Variants in NOL4L observed in about 807,000 individuals in gnomAD.
NOL4L encodes the protein nucleolar protein 4-like.
A neutral mutation model predicts 64.5 loss-of-function variants in NOL4L; 7 were observed. That is an observed-to-expected ratio of 0.11 (90% CI 0.06 to 0.20). NOL4L has a LOEUF of 0.20. NOL4L is among the 10% of genes least tolerant of loss of function. NOL4L has a pLI of 1.00. For synonymous variants in NOL4L, 413 were observed against 401.0 expected (o/e 1.03, Z -0.36); for missense variants, 680 against 967.1 (o/e 0.70, Z 3.94).
chr20:32,511,244 CGT>C (rs1168860515), intron 4 of NOL4L, 101 bp downstream of exon 4: 2 of 703,514 alleles, frequency 2.8e-6, no homozygotes, highest in African/African-American at 1.8e-5. Flanking sequence ...TTTGATTTCC[CGT>C]GTGTTTACAC....
chr20:32,527,724 G>A (rs1203863216), intron 2 of NOL4L, 34 bp downstream of exon 2: 2 of 1,528,318 alleles, frequency 1.3e-6, no homozygotes, highest in South Asian at 2.5e-5. Context: ...AAGGCCTGGG[G>A]CTGCCAGTGG....
chr20:32,584,611 T>G lies in NOL4L; in HGVS notation c.280A>C (p.Lys94Gln). ...GFRLGSGREPKMGQVVYVPVK... is the reference protein window; with the variant it reads ...GFRLGSGREPQMGQVVYVPVK... ...GGCACATACACCACTTGGCCCATCT[T>G]GGGTTCCCGGCCGCTGCCCAGGCGG... The change falls in exon 1 of 11, where the codon AAG (lysine) becomes CAG (glutamine). Residue 94 changes from lysine (K) to glutamine (Q), a missense_variant. Lys to Gln is a moderately conservative substitution (Grantham distance 53, BLOSUM62 1). Coordinates refer to ENST00000621426, the MANE Select transcript of NOL4L (RefSeq NM_001256798.2). 6.5e-7 allele frequency: 1 copy of G among 1,533,880 alleles called. No homozygotes were observed.
chr20:32,454,569 C>T (rs924540998), intron 6 of NOL4L, among the ~76,000 whole-genome samples: 3 of 152,278 alleles, frequency 2.0e-5, no homozygotes, highest in African/African-American at 7.2e-5. Context: ...CCTCCATCTT[C>T]TCATCCTTCA....
intron 1 of NOL4L, among the ~76,000 whole-genome samples, chr20:32,538,321 G>C (rs956328588): frequency 6.6e-6 from 1 of 152,274 alleles, no homozygotes; most frequent in East Asian, 1.9e-4. Flanking sequence ...GGGTTGGGGG[G>C]TGCACACCAA....
intron 1 of NOL4L, among the ~76,000 whole-genome samples, chr20:32,538,317 G>T (rs1342759328): frequency 1.3e-5 from 2 of 152,142 alleles, no homozygotes; most frequent in African/African-American, 4.8e-5. Flanking sequence ...CCCAGGGTTG[G>T]GGGGTGCACA....
At position 32,488,746 on chromosome 20, in the gene NOL4L, TTTTCCTTC is replaced by T. The variant is rs1158666625; in HGVS notation, c.700-14012_700-14005del. Among the ~76,000 whole-genome samples, 30 of 138,898 alleles carry T rather than the reference TTTTCCTTC, an allele frequency of 2.2e-4. 1 individual carries two copies. Among genetic ancestry groups the T allele is most frequent in the South Asian group, 1.9e-3 (8 of 4,222 alleles). The allele number at this position is 138,898 out of a possible 152,430, so 91.1% of individuals were successfully genotyped here. On this transcript the variant is annotated intron_variant, in intron 4 of 10. Transcript: ENST00000621426. Reference sequence around the variant, plus strand: ...TTTCTTTCTTTCTTTTCTTTCTTTCTTTTCCTTCCTTCCTTCCTTCCTTCCTTCCTTCC... The same window carrying T: ...TTTCTTTCTTTCTTTTCTTTCTTTCTCTTCCTTCCTTCCTTCCTTCCTTCC...
At chr20:32,534,966 G>A (rs1424693281) in intron 1 of NOL4L, among the ~76,000 whole-genome samples, 1 of 151,946 alleles carries the variant, frequency 6.6e-6, no homozygotes, top group Non-Finnish European at 1.5e-5. Flanking sequence ...TCAGCTCCTG[G>A]TGGGGCTGAA....
At chr20:32,475,642 G>T (rs1028768978) in intron 4 of NOL4L, among the ~76,000 whole-genome samples, 5 of 152,254 alleles carry the variant, frequency 3.3e-5, no homozygotes, top group Non-Finnish European at 5.9e-5. Flanking sequence ...CTGGGAGCTG[G>T]CTGTAAAACC....
At chr20:32,482,204 C>T (rs960788080) in intron 4 of NOL4L, among the ~76,000 whole-genome samples, 6 of 151,866 alleles carry the variant, frequency 4.0e-5, no homozygotes, top group African/African-American at 1.5e-4. Context: ...TTTGTGGCTT[C>T]TCCATTGATC....
intron 6 of NOL4L, 49 bp downstream of exon 6, chr20:32,456,069 C>A (rs571947266): frequency 6.9e-7 from 1 of 1,452,694 alleles, no homozygotes; most frequent in South Asian, 1.5e-5. Flanking sequence ...TCTCGCCTCG[C>A]GACAGCCCTT....
At chr20:32,489,287 A>C (rs1381300737) in intron 4 of NOL4L, among the ~76,000 whole-genome samples, 4 of 152,054 alleles carry the variant, frequency 2.6e-5, no homozygotes, top group Non-Finnish European at 5.9e-5. Context: ...CAATATAAGT[A>C]ATGAAGTGGG....
intron 1 of NOL4L, among the ~76,000 whole-genome samples, chr20:32,530,714 G>A (rs1471466993): frequency 6.6e-6 from 1 of 152,160 alleles, no homozygotes; most frequent in Non-Finnish European, 1.5e-5. Flanking sequence ...CTGAGGTCGG[G>A]AGTTTGAGAC....
chr20:32,462,390 G>A (rs982593168), intron 5 of NOL4L, among the ~76,000 whole-genome samples: 7 of 152,152 alleles, frequency 4.6e-5, no homozygotes, highest in Admixed American at 2.0e-4. Flanking sequence ...TCACCATGAC[G>A]CCCAGCTCAG....
intron 1 of NOL4L, chr20:32,533,411 C>G (rs1328415956): frequency 1.3e-5 from 2 of 152,184 alleles, no homozygotes; most frequent in African/African-American, 4.8e-5. Context: ...ACAGGCCCCC[C>G]CAGATGATTC....
intron 1 of NOL4L, among the ~76,000 whole-genome samples, chr20:32,536,814 G>GGGC (rs2018545545): frequency 4.0e-5 from 1 of 25,154 alleles, no homozygotes; most frequent in African/African-American, 1.8e-4. Context: ...GGGGGGGGGC[G>GGGC]CACCAACGGG....
At chr20:32,458,362 C>T (rs1220023021) in intron 5 of NOL4L, among the ~76,000 whole-genome samples, 2 of 152,250 alleles carry the variant, frequency 1.3e-5, no homozygotes, top group Non-Finnish European at 2.9e-5. Context: ...CAGGCTGGCA[C>T]TTTTCTCCAC....
At chr20:32,488,780 TTC>T (rs1568647601) in intron 4 of NOL4L, among the ~76,000 whole-genome samples, 4 of 48,362 alleles carry the variant, frequency 8.3e-5, no homozygotes, top group African/African-American at 2.2e-4. Context: ...CCTTCCTTCC[TTC>T]CTTCCTTCCT....
chr20:32,455,536 A>G (rs770200055), intron 6 of NOL4L, among the ~76,000 whole-genome samples: 2 of 152,188 alleles, frequency 1.3e-5, no homozygotes, highest in Non-Finnish European at 2.9e-5. Context: ...GCACTACTAC[A>G]GGAAACCTTA....
intron 4 of NOL4L, chr20:32,485,759 C>T (rs1481585568): frequency 2.1e-6 from 1 of 471,020 alleles, no homozygotes; most frequent in East Asian, 6.9e-5. Context: ...ACTGTCCATC[C>T]TCACTCTGAA....
Sources: gnomAD v4.1 joint callset for allele counts (sites outside exome capture counted in the v4.1 genomes callset) on GRCh38, gnomAD v4.1.1 for gene constraint, MANE v1.5 for transcripts, NCBI Gene and HGNC (gene_info 2026-07-23, HGNC 2026-07-21) for gene names.